Variants in TUBD1 observed in about 807,000 individuals in gnomAD.
TUBD1 encodes the protein tubulin delta chain.
Under a neutral mutation model 51.2 loss-of-function variants are expected in TUBD1, and 38 were observed. The observed-to-expected ratio is 0.74, with a 90% confidence interval of 0.57 to 0.97. TUBD1 has a LOEUF of 0.97. Among genes scored for constraint, TUBD1 ranks in the 50% least tolerant of loss-of-function variants. The pLI is 0.00. For synonymous variants in TUBD1, 169 were observed against 178.2 expected (o/e 0.95, Z 0.41); for missense variants, 489 against 538.4 (o/e 0.91, Z 0.91).
chr17:59,870,455 G>A (rs1286821188), intron 6 of TUBD1, among the ~76,000 whole-genome samples: 1 of 147,230 alleles, frequency 6.8e-6, no homozygotes, highest in Admixed American at 6.9e-5. Context: ...TATTTGAGAA[G>A]CAGTGAGAGC....
intron 4 of TUBD1, 114 bp from the exon 5 acceptor site, chr17:59,878,448 T>C (rs1288827532): frequency 7.1e-6 from 5 of 707,138 alleles, no homozygotes; most frequent in Admixed American, 2.8e-5. Context: ...TTTCTAGCCG[T>C]ATGACCTTGG....
At chr17:59,876,275 C>T (rs2040219494) in intron 5 of TUBD1, among the ~76,000 whole-genome samples, 1 of 151,538 alleles carries the variant, frequency 6.6e-6, no homozygotes, top group Non-Finnish European at 1.5e-5. Context: ...AACTCCCAGG[C>T]TTAAGCAATA....
chr17:59,867,305 G>A (rs1291971160), intron 6 of TUBD1, among the ~76,000 whole-genome samples: 1 of 151,958 alleles, frequency 6.6e-6, no homozygotes, highest in Non-Finnish European at 1.5e-5. Flanking sequence ...GATGTAGCTG[G>A]GACTATAGGC....
At chr17:59,887,006 G>A (rs2040767307) in intron 2 of TUBD1, among the ~76,000 whole-genome samples, 2 of 151,678 alleles carry the variant, frequency 1.3e-5, no homozygotes, top group African/African-American at 4.8e-5. Flanking sequence ...CCAACATGGT[G>A]AAAACCCATC....
chr17:59,861,330 C>T (rs535746937), intron 8 of TUBD1, among the ~76,000 whole-genome samples: 5 of 151,626 alleles, frequency 3.3e-5, no homozygotes, highest in African/African-American at 7.3e-5. Flanking sequence ...TCCCAAGTAG[C>T]GGGAATTACA....
chr17:59,871,936 C>T (rs2039998437), intron 6 of TUBD1, among the ~76,000 whole-genome samples: 1 of 150,986 alleles, frequency 6.6e-6, no homozygotes, highest in Admixed American at 6.6e-5. Context: ...GCTAGGACTA[C>T]AGGTGCATAC....
At chr17:59,882,964 T>C (rs1011937962) in intron 3 of TUBD1, among the ~76,000 whole-genome samples, 2 of 150,652 alleles carry the variant, frequency 1.3e-5, no homozygotes, top group African/African-American at 2.4e-5. Context: ...TTTGTATTTT[T>C]AGTAGAGACA....
Position 59,859,686 on chromosome 17 carries a change from GA to G in TUBD1, c.*635del, listed in dbSNP as rs2039344385. The G allele has an allele frequency of 6.6e-6, 1 of 152,572 alleles. No homozygotes were observed. Among genetic ancestry groups the G allele is most frequent in the African/African-American group, 2.4e-5 (1 of 41,428 alleles). 9.5% of individuals were successfully genotyped at this position (152,572 alleles called of 1,614,324 possible). A position where few individuals can be genotyped will look rare whatever the true frequency, so the allele number is the denominator to read the frequency against. ...GTACAGAATTACAATTCCTTAGCTT[GA>G]AATTATGCTGTGAAAGTTTGGTTCA... On this transcript the variant is annotated 3_prime_UTR_variant, in exon 9 of 9. Transcript: ENST00000325752.
intron 8 of TUBD1, among the ~76,000 whole-genome samples, chr17:59,860,878 C>T (rs1045421454): frequency 4.0e-5 from 6 of 151,846 alleles, no homozygotes; most frequent in African/African-American, 9.7e-5. Context: ...TGAGCCACCA[C>T]GCCCAGCCTG....
chr17:59,889,668 C>CA (rs1195587619), intron 2 of TUBD1, among the ~76,000 whole-genome samples: 13,172 of 53,824 alleles, frequency 0.24, 1,350 homozygotes, highest in East Asian at 0.44. Flanking sequence ...GACTCTGTCT[C>CA]AAAAAAAAAA....
rs60720420 is a variant in TUBD1 at position 59,872,694 on chromosome 17, ATGTGTGTG to A, written c.934+1837_934+1844del. Among the ~76,000 whole-genome samples the A allele has an allele frequency of 1.5e-3, 215 of 142,728 alleles. 1 individual carries two copies. The highest frequency in any genetic ancestry group is 0.014 in the Middle Eastern group (4 of 284). The allele number at this position is 142,728 out of a possible 152,430, so 93.6% of individuals were successfully genotyped here. A position where few individuals can be genotyped will look rare whatever the true frequency, so the allele number is the denominator to read the frequency against. ...TGTCAGTATATATATGAAAATGGGA[ATGTGTGTG>A]TGTGTGTGTGTGTGTGTGTGTGTGT... On this transcript the variant is annotated intron_variant, in intron 6 of 8. Coordinates refer to ENST00000325752, the MANE Select transcript of TUBD1 (RefSeq NM_016261.4).
At position 59,863,684 on chromosome 17, in the gene TUBD1, T is replaced by A. The variant is rs915774966; in HGVS notation, c.1239A>T (p.Ala413=). 6.3e-7 allele frequency: 1 copy of A among 1,583,058 alleles called. No individual in the cohort carries two copies. The highest frequency in any genetic ancestry group is 2.3e-5 in the East Asian group (1 of 43,974). Residue 413 remains alanine (A), a synonymous_variant, in exon 8 of 9, where the codon GCA becomes GCT. Coordinates refer to ENST00000325752, the MANE Select transcript of TUBD1 (RefSeq NM_016261.4). ...VKPLDMIVGK[A]WNMFASKAYI... ...CTTACTTTGAAGCAAACATATTCCA[T>A]GCCTTCCCAACAATCATATCAAGTG...
intron 8 of TUBD1, among the ~76,000 whole-genome samples, chr17:59,861,705 T>C (rs1393521213): frequency 6.6e-6 from 1 of 151,862 alleles, no homozygotes; most frequent in African/African-American, 2.4e-5. Context: ...TTTTGCACTG[T>C]TGCCTGGGCT....
At chr17:59,873,720 C>T (rs2040100556) in intron 6 of TUBD1, among the ~76,000 whole-genome samples, 2 of 151,914 alleles carry the variant, frequency 1.3e-5, no homozygotes, top group Non-Finnish European at 1.5e-5. Flanking sequence ...AAAAAATTAG[C>T]CAGGCATGGT....
intron 2 of TUBD1, among the ~76,000 whole-genome samples, chr17:59,887,808 T>C (rs1292050): frequency 0.19 from 29,002 of 152,082 alleles, 2,969 homozygotes; most frequent in East Asian, 0.39. Flanking sequence ...TTATTGTTTT[T>C]TTTTCTAGAG....
At position 59,885,388 on chromosome 17, in the gene TUBD1, C is replaced by T. The variant is rs2040674356; in HGVS notation, c.320+695G>A. On this transcript the variant is annotated intron_variant, in intron 3 of 8. Coordinates refer to ENST00000325752, the MANE Select transcript of TUBD1 (RefSeq NM_016261.4). ...TGTTTCTTGGAATGTCATGTGTATG[C>T]AGCTGTTCGGCTTCATGGCTCTCAT... 4.4e-6 allele frequency: 4 copies of T among 900,958 alleles called. No individual in the cohort carries two copies. In the East Asian group the frequency reaches 7.6e-5, roughly 17 times the overall value. The allele number at this position is 900,958 out of a possible 1,614,324, so 55.8% of individuals were successfully genotyped here.
In TUBD1 at chr17:59,885,523, G is replaced by C. The variant is rs1001857264; in HGVS notation, c.320+560C>G. ...GGAACGAGGCGGTGATCCCTCCAAA[G>C]AACCTGAGTCGGTGGTTCACTACTA... On this transcript the variant is annotated intron_variant, in intron 3 of 8. Coordinates refer to ENST00000325752, the MANE Select transcript of TUBD1 (RefSeq NM_016261.4). The C allele has an allele frequency of 5.1e-6, 8 of 1,570,364 alleles. No homozygotes were observed. In the Admixed American group the frequency reaches 8.4e-5, roughly 16 times the overall value.
At chr17:59,881,763 G>A (rs555572284) in intron 3 of TUBD1, among the ~76,000 whole-genome samples, 97 of 151,812 alleles carry the variant, frequency 6.4e-4, no homozygotes, top group African/African-American at 2.3e-3. Flanking sequence ...TCCCCCTCCC[G>A]GGTTCAAGAG....
intron 8 of TUBD1, among the ~76,000 whole-genome samples, chr17:59,862,323 CA>C (rs61036233): frequency 8.8e-4 from 118 of 134,814 alleles, no homozygotes; most frequent in Non-Finnish European, 1.0e-3. Context: ...AACTCCATCT[CA>C]AAAAAAAAAA....
Sources: gnomAD v4.1 joint callset for allele counts (sites outside exome capture counted in the v4.1 genomes callset) on GRCh38, gnomAD v4.1.1 for gene constraint, MANE v1.5 for transcripts, NCBI Gene and HGNC (gene_info 2026-07-23, HGNC 2026-07-21) for gene names.